GFRA1: variants seen among roughly 807,000 people sequenced by gnomAD.
GFRA1 encodes GDNF family receptor alpha 1.
Under a neutral mutation model 51.6 loss-of-function variants are expected in GFRA1, and 16 were observed. That is an observed-to-expected ratio of 0.31 (90% CI 0.21 to 0.47). The LOEUF is 0.47. GFRA1 is among the 20% of genes least tolerant of loss of function. The pLI is 1.00. For synonymous variants in GFRA1, 270 were observed against 241.3 expected (o/e 1.12, Z -1.10); for missense variants, 530 against 594.3 (o/e 0.89, Z 1.13).
intron 5 of GFRA1, among the ~76,000 whole-genome samples, chr10:116,187,139 G>GA (rs1432433584): frequency 6.6e-6 from 1 of 152,056 alleles, no homozygotes; most frequent in Non-Finnish European, 1.5e-5. Context: ...CAACAAAGTA[G>GA]AAAAAAATGA....
intron 9 of GFRA1, among the ~76,000 whole-genome samples, chr10:116,081,208 T>G (rs1955834053): frequency 6.6e-6 from 1 of 152,192 alleles, no homozygotes; most frequent in African/African-American, 2.4e-5. Flanking sequence ...AACCCCAAAG[T>G]GTGACTGGCA....
intron 5 of GFRA1, among the ~76,000 whole-genome samples, chr10:116,155,545 T>A (rs151292836): frequency 1.4e-3 from 208 of 152,364 alleles, no homozygotes; most frequent in African/African-American, 4.8e-3. Flanking sequence ...GGAATTTTTT[T>A]AAATTATAAA....
Position 116,082,621 on chromosome 10 carries a change from C to T in GFRA1, c.1197+7120G>A, listed in dbSNP as rs189284900. The stretch of plus-strand genomic sequence containing the variant: ...TCAGCCTCCTGAGTAGCTGGGATTA[C>T]AGGCATGTGCCACCATGCTGGCTAA... On this transcript the variant is annotated intron_variant, in intron 9 of 10. Transcript: ENST00000355422. 9.6e-4 allele frequency among the ~76,000 whole-genome samples: 146 copies of T among 152,240 alleles called. 1 individual carries two copies. The highest frequency in any genetic ancestry group is 3.4e-3 in the African/African-American group (142 of 41,540).
chr10:116,216,216 T>C (rs933056740), intron 4 of GFRA1, among the ~76,000 whole-genome samples: 4 of 152,208 alleles, frequency 2.6e-5, no homozygotes, highest in Non-Finnish European at 4.4e-5. Flanking sequence ...TAAACTTTCT[T>C]GAGTGCTACT....
chr10:116,091,557 T>A (rs1473331015), intron 8 of GFRA1, among the ~76,000 whole-genome samples: 3 of 152,174 alleles, frequency 2.0e-5, no homozygotes, highest in Admixed American at 6.5e-5. Context: ...ATCCCATTTG[T>A]CTCTTCCCCA....
At chr10:116,265,470 C>G (rs1969584060) in intron 4 of GFRA1, among the ~76,000 whole-genome samples, 1 of 152,182 alleles carries the variant, frequency 6.6e-6, no homozygotes, top group Non-Finnish European at 1.5e-5. Flanking sequence ...CATCCTCAGG[C>G]TTTTCTTAGC....
intron 5 of GFRA1, among the ~76,000 whole-genome samples, chr10:116,151,397 C>T (rs1239371817): frequency 6.6e-6 from 1 of 152,090 alleles, no homozygotes; most frequent in Non-Finnish European, 1.5e-5. Flanking sequence ...GTCAGTAACC[C>T]CCACACCTGT....
chr10:116,185,786 C>T (rs7914443), intron 5 of GFRA1, among the ~76,000 whole-genome samples: 144,384 of 152,228 alleles, frequency 0.95, 68,455 homozygotes, highest in East Asian at 1. Flanking sequence ...GGAATTCTAA[C>T]CTCAGAGTCT....
At chr10:116,126,534 A>G (rs11598866) in intron 5 of GFRA1, among the ~76,000 whole-genome samples, 35,344 of 152,264 alleles carry the variant, frequency 0.23, 4,134 homozygotes, top group Middle Eastern at 0.26. Flanking sequence ...CCAATAGAGG[A>G]ATGTTTCTGC....
intron 4 of GFRA1, among the ~76,000 whole-genome samples, chr10:116,262,926 T>A (rs1969398310): frequency 6.6e-6 from 1 of 151,992 alleles, no homozygotes; most frequent in Non-Finnish European, 1.5e-5. Context: ...ATCACAAGAA[T>A]CCTTAAGCAC....
chr10:116,216,172 C>T (rs1965549768), intron 4 of GFRA1, among the ~76,000 whole-genome samples: 2 of 152,122 alleles, frequency 1.3e-5, no homozygotes, highest in Admixed American at 1.3e-4. Context: ...TAAGTTATGG[C>T]AATTAGGCTG....
At chr10:116,252,713 C>T (rs1336014929) in intron 4 of GFRA1, among the ~76,000 whole-genome samples, 1 of 152,216 alleles carries the variant, frequency 6.6e-6, no homozygotes, top group East Asian at 1.9e-4. Context: ...GGCCAGTAAA[C>T]AGATTCTCGT....
intron 4 of GFRA1, among the ~76,000 whole-genome samples, chr10:116,264,078 C>T (rs1969480024): frequency 6.6e-6 from 1 of 152,166 alleles, no homozygotes; most frequent in South Asian, 2.1e-4. Context: ...TCATCCAGGA[C>T]TCAGCTGGAA....
At chr10:116,258,839 C>G (rs1423542760) in intron 4 of GFRA1, among the ~76,000 whole-genome samples, 2 of 152,202 alleles carry the variant, frequency 1.3e-5, no homozygotes, top group Non-Finnish European at 2.9e-5. Flanking sequence ...CTGCAACTCA[C>G]AGCTGCTGTA....
In GFRA1 at chr10:116,270,870, C is replaced by T. The variant is rs767066476; in HGVS notation, c.286G>A (p.Glu96Lys). The T allele has an allele frequency of 6.2e-7, 1 of 1,613,990 alleles. No individual in the cohort carries two copies. The highest frequency in any genetic ancestry group is 1.1e-5 in the South Asian group (1 of 91,082). The change falls in exon 3 of 11, where the codon GAG becomes AAG. Residue 96 changes from glutamate to lysine, a missense_variant. Transcript: ENST00000355422. ...NCRCKRGMKK[E>K]KNCLRIYWSM... ...CAGTAAATGCGCAGGCAGTTCTTCT[C>T]CTTCTTCATACCCCGCTTGCAGCGG...
rs563081285 is a variant in GFRA1 at position 116,084,146 on chromosome 10, G to C, written c.1197+5595C>G. On this transcript the variant is annotated intron_variant, in intron 9 of 10. Transcript: ENST00000355422. ...CTCTACTGTGAACCCCTTAGGGCTA[G>C]CATGGTCTGATGGCCAGAGAAGACC... Among the ~76,000 whole-genome samples the C allele has an allele frequency of 2.0e-5, 3 of 152,316 alleles. No individual in the cohort carries two copies. The East Asian group carries it at 5.8e-4, about 30-fold the overall frequency.
intron 9 of GFRA1, 70 bp from the exon 10 acceptor site, chr10:116,065,696 A>G: frequency 8.1e-7 from 1 of 1,231,658 alleles, no homozygotes; most frequent in South Asian, 1.2e-5. Flanking sequence ...TCCATCAGTC[A>G]GCTGTCTAGG....
At chr10:116,176,498 A>T (rs965109289) in intron 5 of GFRA1, among the ~76,000 whole-genome samples, 7 of 149,260 alleles carry the variant, frequency 4.7e-5, no homozygotes, top group Admixed American at 4.7e-4. Flanking sequence ...TCCCCCCACC[A>T]CTCTATCTCT....
chr10:116,252,603 C>T (rs1438057125), intron 4 of GFRA1, among the ~76,000 whole-genome samples: 3 of 152,120 alleles, frequency 2.0e-5, no homozygotes, highest in Non-Finnish European at 4.4e-5. Context: ...AGAGCAGCCA[C>T]GAAGTCAGAA....
Sources: gnomAD v4.1 joint callset for allele counts (sites outside exome capture counted in the v4.1 genomes callset) on GRCh38, gnomAD v4.1.1 for gene constraint, MANE v1.5 for transcripts, NCBI Gene and HGNC (gene_info 2026-07-23, HGNC 2026-07-21) for gene names.